NOS1AP: variants seen among roughly 807,000 people sequenced by gnomAD.
NOS1AP encodes nitric oxide synthase 1 adaptor protein.
A neutral mutation model predicts 56.2 loss-of-function variants in NOS1AP; 21 were observed. That is an observed-to-expected ratio of 0.37 (90% CI 0.26 to 0.54). The LOEUF is 0.54. Ranked by LOEUF, NOS1AP falls within the 20% of genes least tolerant of loss-of-function variation. NOS1AP has a pLI of 0.84. For missense variants in NOS1AP, 522 were observed against 657.8 expected (o/e 0.79, Z 2.26); for synonymous variants, 270 against 274.6 (o/e 0.98, Z 0.17).
At chr1:162,266,000 G>A (rs2101712763) in intron 2 of NOS1AP, among the ~76,000 whole-genome samples, 1 of 152,308 alleles carries the variant, frequency 6.6e-6, no homozygotes, top group African/African-American at 2.4e-5. Context: ...GATGGACGAG[G>A]GGACTAAGGA....
At chr1:162,124,194 G>A (rs1408152588) in intron 1 of NOS1AP, among the ~76,000 whole-genome samples, 1 of 152,104 alleles carries the variant, frequency 6.6e-6, no homozygotes, top group Non-Finnish European at 1.5e-5. Flanking sequence ...ATTGTATAGC[G>A]GTGAAGTCTG....
chr1:162,088,721 GTGA>G (rs1164709275), intron 1 of NOS1AP, among the ~76,000 whole-genome samples: 1 of 152,130 alleles, frequency 6.6e-6, no homozygotes, highest in Non-Finnish European at 1.5e-5. Context: ...CCAAACAATG[GTGA>G]TGATTTCCTC....
intron 3 of NOS1AP, among the ~76,000 whole-genome samples, chr1:162,297,960 G>A (rs1169853711): frequency 6.6e-6 from 1 of 152,194 alleles, no homozygotes; most frequent in African/African-American, 2.4e-5. Flanking sequence ...AGCTGAAGAA[G>A]CTGGCAACTC....
At chr1:162,155,284 A>ATATG (rs1649905047) in intron 2 of NOS1AP, among the ~76,000 whole-genome samples, 2 of 139,074 alleles carry the variant, frequency 1.4e-5, no homozygotes, top group South Asian at 2.3e-4. Flanking sequence ...ATATACACAT[A>ATATG]TATACATATA....
intron 6 of NOS1AP, among the ~76,000 whole-genome samples, chr1:162,347,920 A>G (rs1363197606): frequency 1.3e-5 from 2 of 152,180 alleles, no homozygotes; most frequent in Non-Finnish European, 2.9e-5. Flanking sequence ...CAAGCCCAGC[A>G]CTGTCTTCTG....
chr1:162,274,906 C>G (rs575610063), intron 2 of NOS1AP, among the ~76,000 whole-genome samples: 3 of 152,094 alleles, frequency 2.0e-5, no homozygotes, highest in Non-Finnish European at 2.9e-5. Context: ...TTTTTTACTT[C>G]GGGTGTTGTC....
intron 2 of NOS1AP, among the ~76,000 whole-genome samples, chr1:162,225,684 C>T (rs1174609294): frequency 6.6e-6 from 1 of 152,148 alleles, no homozygotes; most frequent in Non-Finnish European, 1.5e-5. Flanking sequence ...GTAAGGCTGT[C>T]AGTTTGCTAA....
intron 2 of NOS1AP, among the ~76,000 whole-genome samples, chr1:162,161,877 G>A (rs1371891255): frequency 6.6e-6 from 1 of 152,230 alleles, no homozygotes; most frequent in African/African-American, 2.4e-5. Flanking sequence ...GCACGCATAA[G>A]CACCTGCTAA....
intron 4 of NOS1AP, among the ~76,000 whole-genome samples, chr1:162,318,849 C>G (rs1236345104): frequency 6.6e-6 from 1 of 152,110 alleles, no homozygotes; most frequent in Non-Finnish European, 1.5e-5. Context: ...CTTCCATGTT[C>G]CTTAGTTCTT....
chr1:162,327,195 T>C (rs1656620014), intron 4 of NOS1AP, among the ~76,000 whole-genome samples: 1 of 152,212 alleles, frequency 6.6e-6, no homozygotes. Context: ...CTTGGTTTTT[T>C]TCTTCTCAAG....
chr1:162,311,594 A>ATT lies in NOS1AP; in HGVS notation c.344+10888_344+10889insTT, dbSNP rs1298214801. On this transcript the variant is annotated intron_variant, in intron 4 of 9. Transcript: ENST00000361897. Reference sequence around the variant, plus strand: ...ACCCTTTGTTTTCTTTTTTTTTTTTAATTATACTTTAAGTTTTAGGGTACA... The same window carrying ATT: ...ACCCTTTGTTTTCTTTTTTTTTTTTATTATTATACTTTAAGTTTTAGGGTACA... 3.9e-3 allele frequency among the ~76,000 whole-genome samples: 577 copies of ATT among 147,548 alleles called. 4 individuals are homozygous for ATT. The highest frequency in any genetic ancestry group is 5.3e-3 in the Non-Finnish European group (355 of 66,468).
intron 2 of NOS1AP, among the ~76,000 whole-genome samples, chr1:162,257,475 C>G (rs1183216141): frequency 6.6e-6 from 1 of 151,894 alleles, no homozygotes; most frequent in Non-Finnish European, 1.5e-5. Flanking sequence ...ATGACGAAAC[C>G]CTGTCTCTAC....
At chr1:162,082,183 G>A (rs1691910542) in intron 1 of NOS1AP, among the ~76,000 whole-genome samples, 1 of 42,628 alleles carries the variant, frequency 2.3e-5, no homozygotes, top group Non-Finnish European at 5.6e-5. Context: ...GTGAGAACAT[G>A]CAGTATTTGT....
At chr1:162,366,544 C>A (rs1658092668) in intron 9 of NOS1AP, among the ~76,000 whole-genome samples, 1 of 152,154 alleles carries the variant, frequency 6.6e-6, no homozygotes, top group Non-Finnish European at 1.5e-5. Context: ...TACTGAGATC[C>A]TACATCGTTC....
At chr1:162,147,580 C>T (rs1649528929) in intron 1 of NOS1AP, among the ~76,000 whole-genome samples, 1 of 152,034 alleles carries the variant, frequency 6.6e-6, no homozygotes, top group Non-Finnish European at 1.5e-5. Context: ...AAGTTAATCT[C>T]CAGAAAATAG....
chr1:162,073,024 T>C (rs917099621), intron 1 of NOS1AP, among the ~76,000 whole-genome samples: 1 of 152,228 alleles, frequency 6.6e-6, no homozygotes, highest in Non-Finnish European at 1.5e-5. Context: ...ATGCCACTCA[T>C]TTTCAGGGTT....
intron 6 of NOS1AP, among the ~76,000 whole-genome samples, chr1:162,348,785 G>A (rs1657388741): frequency 6.6e-6 from 1 of 152,036 alleles, no homozygotes; most frequent in African/African-American, 2.4e-5. Context: ...TGGGGTGATG[G>A]AAATTGTGTT....
At chr1:162,332,500 T>G (rs1242983417) in intron 4 of NOS1AP, among the ~76,000 whole-genome samples, 1 of 152,156 alleles carries the variant, frequency 6.6e-6, no homozygotes, top group Non-Finnish European at 1.5e-5. Context: ...AATGAACACA[T>G]GGATGCTGTG....
chr1:162,300,464 A>G (rs187015024), intron 3 of NOS1AP, among the ~76,000 whole-genome samples, 169 bp from the exon 4 acceptor site: 220 of 152,272 alleles, frequency 1.4e-3, no homozygotes, highest in African/African-American at 5.1e-3. Flanking sequence ...AACTGATCAG[A>G]CTAGACACTT....
Sources: allele counts gnomAD v4.1 joint callset (sites outside exome capture counted in the v4.1 genomes callset), GRCh38; gene constraint gnomAD v4.1.1; transcripts MANE v1.5; gene names NCBI Gene and HGNC (gene_info 2026-07-23, HGNC 2026-07-21).